MYO16: variants seen among roughly 807,000 people sequenced by gnomAD.
The protein encoded by MYO16 is unconventional myosin-XVI.
In MYO16, 94 loss-of-function variants were observed where a neutral mutation model predicts 205.3. That is an observed-to-expected ratio of 0.46 (90% CI 0.39 to 0.54). The LOEUF (loss-of-function observed/expected upper bound fraction) is 0.54. Ranked by LOEUF, MYO16 falls within the 20% of genes least tolerant of loss-of-function variation. The pLI is 0.00. For missense variants in MYO16, 2,315 were observed against 2,387.5 expected, an observed-to-expected ratio of 0.97 and a Z score of 0.63; for synonymous variants, 988 against 954.0, an observed-to-expected ratio of 1.04 and a Z score of -0.66.
chr13:108,543,702 G>A, the MYO16 span, among the ~76,000 whole-genome samples: 1 of 145,152 alleles, frequency 6.9e-6, no homozygotes, highest in Non-Finnish European at 1.5e-5. Context: ...CCAAAGTTAA[G>A]GTACTAGGCA....
At chr13:108,503,173 A>T in the MYO16 span, among the ~76,000 whole-genome samples, 1 of 152,322 alleles carries the variant, frequency 6.6e-6, no homozygotes, top group Non-Finnish European at 1.5e-5. Context: ...ATTACAATAT[A>T]GTATAATATG....
At position 109,004,788 on chromosome 13, in the gene MYO16, T is replaced by C. The variant is rs1051802674; in HGVS notation, c.2443-4109T>C. Among the ~76,000 whole-genome samples, 16 of 152,320 alleles carry C rather than the reference T, an allele frequency of 1.1e-4. No homozygotes were observed. The Middle Eastern group carries it at 0.01, about 97-fold the overall frequency. On this transcript the variant is annotated intron_variant, in intron 21 of 34. Transcript: ENST00000457511. ...GAAAGAAAATATTTTTCATATGATA[T>C]TTAGATACTGAATGCCACTCCTCCC...
At chr13:108,519,731 T>C in the MYO16 span, among the ~76,000 whole-genome samples, 3 of 151,946 alleles carry the variant, frequency 2.0e-5, no homozygotes, top group Non-Finnish European at 2.9e-5. Context: ...AAAGGCTATC[T>C]AAGCATTATG....
chr13:108,838,979 T>C (rs902470219), intron 9 of MYO16, among the ~76,000 whole-genome samples: 2 of 152,098 alleles, frequency 1.3e-5, no homozygotes, highest in Non-Finnish European at 2.9e-5. Context: ...CTTAGTTCAT[T>C]TTTTGTTACC....
chr13:108,627,789 G>C (rs1004770498), upstream of MYO16, among the ~76,000 whole-genome samples: 1 of 152,108 alleles, frequency 6.6e-6, no homozygotes, highest in African/African-American at 2.4e-5. Context: ...AGAGTGAATG[G>C]TATCATTAAA....
At chr13:109,079,345 C>T (rs73618350) in intron 27 of MYO16, among the ~76,000 whole-genome samples, 2,372 of 151,416 alleles carry the variant, frequency 0.016, 34 homozygotes, top group South Asian at 0.034. Flanking sequence ...AAGCAGAAAT[C>T]TGGGATTTAT....
At chr13:108,732,942 T>G (rs1021301249) in intron 4 of MYO16, among the ~76,000 whole-genome samples, 8 of 152,168 alleles carry the variant, frequency 5.3e-5, no homozygotes, top group Non-Finnish European at 1.0e-4. Context: ...GCCTGAAACC[T>G]GAAAAGTTGA....
At chr13:108,942,043 T>C (rs1384826484) in intron 16 of MYO16, among the ~76,000 whole-genome samples, 5 of 152,228 alleles carry the variant, frequency 3.3e-5, no homozygotes, top group African/African-American at 1.2e-4. Context: ...GGCACAAATA[T>C]AATTGTATTT....
chr13:109,130,942 G>C (rs535812648), intron 31 of MYO16, among the ~76,000 whole-genome samples: 85 of 152,246 alleles, frequency 5.6e-4, no homozygotes, highest in African/African-American at 1.8e-3. Context: ...CACAGGGGTA[G>C]AATTTTTCCA....
At chr13:109,165,954 A>G (rs554586320) in intron 33 of MYO16, among the ~76,000 whole-genome samples, 22 of 152,258 alleles carry the variant, frequency 1.4e-4, no homozygotes, top group African/African-American at 5.3e-4. Flanking sequence ...AGATGTAACC[A>G]GGCCTACAGG....
chr13:109,051,829 G>A (rs1887256644), intron 24 of MYO16, among the ~76,000 whole-genome samples: 1 of 151,968 alleles, frequency 6.6e-6, no homozygotes, highest in African/African-American at 2.4e-5. Flanking sequence ...CTAGCAACTG[G>A]TGCACCAAGT....
intron 23 of MYO16, among the ~76,000 whole-genome samples, chr13:109,026,886 A>G (rs1886381382): frequency 6.6e-6 from 1 of 152,190 alleles, no homozygotes; most frequent in South Asian, 2.1e-4. Context: ...CATTGTCACC[A>G]CATTCTTGGA....
intron 2 of MYO16, among the ~76,000 whole-genome samples, chr13:108,686,316 G>A (rs555706736): frequency 6.6e-6 from 1 of 152,340 alleles, no homozygotes; most frequent in South Asian, 2.1e-4. Flanking sequence ...GGAGATTTAA[G>A]TAGGCCTTTC....
intron 4 of MYO16, among the ~76,000 whole-genome samples, chr13:108,782,964 C>A (rs777598122): frequency 3.1e-4 from 47 of 152,204 alleles, no homozygotes; most frequent in Non-Finnish European, 5.7e-4. Flanking sequence ...TCATGGAGAA[C>A]CTCTACAGCA....
At chr13:108,931,837 C>T (rs1882269711) in intron 16 of MYO16, among the ~76,000 whole-genome samples, 1 of 152,194 alleles carries the variant, frequency 6.6e-6, no homozygotes, top group African/African-American at 2.4e-5. Flanking sequence ...TTCTGATTTG[C>T]AAATCATCTG....
intron 27 of MYO16, among the ~76,000 whole-genome samples, chr13:109,093,412 C>T (rs1444310172): frequency 1.3e-5 from 2 of 152,120 alleles, no homozygotes; most frequent in African/African-American, 2.4e-5. Context: ...AGAGACCAGC[C>T]ACAGATAAGT....
At chr13:108,548,660 G>A in the MYO16 span, among the ~76,000 whole-genome samples, 1 of 151,936 alleles carries the variant, frequency 6.6e-6, no homozygotes, top group Non-Finnish European at 1.5e-5. Context: ...TGGTGTGGTG[G>A]TTTTGATGAA....
chr13:108,863,053 A>G (rs1338165695), intron 11 of MYO16, among the ~76,000 whole-genome samples: 1 of 152,174 alleles, frequency 6.6e-6, no homozygotes, highest in Non-Finnish European at 1.5e-5. Context: ...ATTTTTTCAT[A>G]TTCATTTTTT....
intron 34 of MYO16, among the ~76,000 whole-genome samples, chr13:109,180,592 G>A (rs1159271090): frequency 3.3e-5 from 5 of 152,238 alleles, no homozygotes; most frequent in Admixed American, 6.5e-5. Context: ...GCTTTCCTTG[G>A]AATATTTAGC....
Sources: gnomAD v4.1 joint callset for allele counts (sites outside exome capture counted in the v4.1 genomes callset) on GRCh38, gnomAD v4.1.1 for gene constraint, MANE v1.5 for transcripts, NCBI Gene and HGNC (gene_info 2026-07-23, HGNC 2026-07-21) for gene names.